Variants in RBMS3 observed in about 807,000 individuals in gnomAD.
The protein encoded by RBMS3 is RNA-binding motif, single-stranded-interacting protein 3.
Under a neutral mutation model 66.8 loss-of-function variants are expected in RBMS3, and 27 were observed. That is an observed-to-expected ratio of 0.40 (90% CI 0.30 to 0.56). The LOEUF is 0.56. RBMS3 is among the 20% of genes least tolerant of loss of function. The pLI is 0.40. For missense variants in RBMS3, 513 were observed against 549.5 expected, an observed-to-expected ratio of 0.93 and a Z score of 0.66; for synonymous variants, 188 against 183.0, an observed-to-expected ratio of 1.03 and a Z score of -0.22.
At chr3:29,840,302 A>C (rs2149501827) in intron 6 of RBMS3, among the ~76,000 whole-genome samples, 1 of 152,220 alleles carries the variant, frequency 6.6e-6, no homozygotes, top group East Asian at 1.9e-4. Flanking sequence ...TTACATTAAA[A>C]ATGTACTTAA....
chr3:30,001,377 G>A (rs561738333), intron 14 of RBMS3, among the ~76,000 whole-genome samples: 1 of 152,026 alleles, frequency 6.6e-6, no homozygotes, highest in East Asian at 1.9e-4. Flanking sequence ...ATTATCGTTT[G>A]TTACGTTCCA....
At chr3:29,921,958 G>T (rs1039602738) in intron 10 of RBMS3, among the ~76,000 whole-genome samples, 4 of 152,092 alleles carry the variant, frequency 2.6e-5, no homozygotes, top group Non-Finnish European at 5.9e-5. Flanking sequence ...CTTACAGTGG[G>T]AGATGCAAGT....
rs113959842 is a variant in RBMS3 at position 29,930,727 on chromosome 3, A to AAT, written c.940-5344_940-5343dup. ...TACATATACAAATACTTTTTATTCT[A>AAT]ATATATATATATATATTTATATGTC... On this transcript the variant is annotated intron_variant, in intron 10 of 14. Transcript: ENST00000383767. 8.8e-3 allele frequency among the ~76,000 whole-genome samples: 1,316 copies of AAT among 149,410 alleles called. 11 individuals carry two copies. Among genetic ancestry groups the AAT allele is most frequent in the African/African-American group, 0.026 (1,067 of 40,970 alleles).
At chr3:29,809,726 T>A (rs2057673400) in intron 6 of RBMS3, among the ~76,000 whole-genome samples, 3 of 152,000 alleles carry the variant, frequency 2.0e-5, no homozygotes, top group Admixed American at 1.3e-4. Flanking sequence ...TTCTGAGCAA[T>A]CCTCTCAAAA....
chr3:29,652,000 G>A (rs553891363), intron 4 of RBMS3, among the ~76,000 whole-genome samples: 31 of 151,950 alleles, frequency 2.0e-4, no homozygotes, highest in African/African-American at 5.8e-4. Context: ...CAGCTTATAC[G>A]CACATAAATA....
intron 7 of RBMS3, among the ~76,000 whole-genome samples, chr3:29,877,035 ATAT>A (rs2149566334): frequency 6.6e-6 from 1 of 152,326 alleles, no homozygotes; most frequent in Admixed American, 6.5e-5. Flanking sequence ...ATAGGAGAAG[ATAT>A]TATACCAACA....
intron 6 of RBMS3, among the ~76,000 whole-genome samples, chr3:29,841,020 A>C (rs2149503149): frequency 6.6e-6 from 1 of 152,048 alleles, no homozygotes; most frequent in South Asian, 2.1e-4. Flanking sequence ...GGAAAGTATA[A>C]ATTTATATGC....
At chr3:29,346,140 G>A (rs7610043) in intron 1 of RBMS3, among the ~76,000 whole-genome samples, 79,297 of 151,938 alleles carry the variant, frequency 0.52, 21,058 homozygotes, top group African/African-American at 0.62. Flanking sequence ...GGCCCATATT[G>A]ACATAAGACA....
At chr3:29,923,313 G>A (rs1336817930) in intron 10 of RBMS3, among the ~76,000 whole-genome samples, 4 of 152,164 alleles carry the variant, frequency 2.6e-5, no homozygotes, top group Non-Finnish European at 5.9e-5. Context: ...GTCCATCACA[G>A]ATAAACTAGC....
intron 14 of RBMS3, among the ~76,000 whole-genome samples, chr3:30,000,529 C>G (rs151141809): frequency 0.017 from 2,523 of 152,168 alleles, 64 homozygotes; most frequent in African/African-American, 0.056. Flanking sequence ...CCCAGCAATC[C>G]CATTACTGGG....
chr3:29,416,743 A>G (rs1324820938), intron 1 of RBMS3, among the ~76,000 whole-genome samples: 1 of 152,102 alleles, frequency 6.6e-6, no homozygotes, highest in East Asian at 1.9e-4. Flanking sequence ...TGCTGGGCCA[A>G]CTCAAGGTTC....
At chr3:29,424,446 G>A (rs2040863354) in intron 1 of RBMS3, among the ~76,000 whole-genome samples, 1 of 152,198 alleles carries the variant, frequency 6.6e-6, no homozygotes. Flanking sequence ...AGGTATAGAT[G>A]CAGATGTGAC....
intron 1 of RBMS3, among the ~76,000 whole-genome samples, chr3:29,379,141 A>G (rs1489158280): frequency 6.6e-6 from 1 of 152,214 alleles, no homozygotes; most frequent in Non-Finnish European, 1.5e-5. Context: ...ACAGGAATGC[A>G]GGGACATAGG....
At chr3:29,880,101 C>A (rs3773115) in intron 7 of RBMS3, among the ~76,000 whole-genome samples, 39,658 of 151,922 alleles carry the variant, frequency 0.26, 5,296 homozygotes, top group Admixed American at 0.29. Context: ...TTCCAATATA[C>A]CATTGAAAAT....
chr3:29,898,870 G>A (rs1202973587), intron 9 of RBMS3, among the ~76,000 whole-genome samples: 1 of 151,454 alleles, frequency 6.6e-6, no homozygotes, highest in Non-Finnish European at 1.5e-5. Flanking sequence ...TCACTGAAGA[G>A]TGATTTTACT....
intron 3 of RBMS3, among the ~76,000 whole-genome samples, chr3:29,578,764 CAA>C (rs2047212670): frequency 7.0e-6 from 1 of 141,966 alleles, no homozygotes; most frequent in African/African-American, 2.6e-5. Context: ...ATGACAAAAA[CAA>C]AGAATCACAG....
At chr3:29,785,372 T>G (rs1393435275) in intron 6 of RBMS3, among the ~76,000 whole-genome samples, 1 of 151,588 alleles carries the variant, frequency 6.6e-6, no homozygotes, top group Non-Finnish European at 1.5e-5. Flanking sequence ...GTATGCAATC[T>G]AAAAATTCAA....
At chr3:29,719,092 A>C (rs1338351603) in intron 4 of RBMS3, among the ~76,000 whole-genome samples, 1 of 152,106 alleles carries the variant, frequency 6.6e-6, no homozygotes, top group South Asian at 2.1e-4. Context: ...GGATCTTGTT[A>C]AAACGCAGAT....
chr3:29,632,522 C>T (rs1257672451), intron 4 of RBMS3, among the ~76,000 whole-genome samples: 2 of 151,790 alleles, frequency 1.3e-5, no homozygotes, highest in Non-Finnish European at 2.9e-5. Context: ...AATATTTGGG[C>T]ATTTGAGTAT....
Sources: allele counts gnomAD v4.1 joint callset (sites outside exome capture counted in the v4.1 genomes callset), GRCh38; gene constraint gnomAD v4.1.1; transcripts MANE v1.5; gene names NCBI Gene and HGNC (gene_info 2026-07-23, HGNC 2026-07-21).